FRMPD2: variants seen among roughly 807,000 people sequenced by gnomAD.
The protein encoded by FRMPD2 is FERM and PDZ domain-containing protein 2.
FRMPD2 carries 96 observed loss-of-function variants against 140.1 expected under a neutral mutation model. The ratio of observed to expected loss-of-function variants is 0.69; its 90% CI spans 0.58 to 0.81. The LOEUF (loss-of-function observed/expected upper bound fraction) is 0.81, where lower values mean the gene tolerates loss of function less well. Among genes scored for constraint, FRMPD2 ranks in the 40% least tolerant of loss-of-function variants. The probability of loss-of-function intolerance (pLI) is 0.00; values close to 1 mark genes in which losing one functional copy is unlikely to be tolerated. For synonymous variants in FRMPD2, 449 were observed against 547.6 expected (o/e 0.82, Z 2.52); for missense variants, 1,240 against 1,447.4 (o/e 0.86, Z 2.32).
intron 1 of FRMPD2, among the ~76,000 whole-genome samples, chr10:48,259,417 A>C (rs1428515109): frequency 2.0e-5 from 3 of 152,264 alleles, no homozygotes; most frequent in Non-Finnish European, 4.4e-5. Flanking sequence ...AATTAAAGCT[A>C]TATGGGTTTA....
At chr10:48,190,270 G>C (rs989790383) in intron 16 of FRMPD2, among the ~76,000 whole-genome samples, 1 of 152,138 alleles carries the variant, frequency 6.6e-6, no homozygotes, top group Non-Finnish European at 1.5e-5. Flanking sequence ...TTCTGCTCTA[G>C]AGATTCTTGT....
rs190283942 is a variant in FRMPD2, at chr10:48,219,578, G to A, written c.1455+2735C>T. 2.0e-5 allele frequency among the ~76,000 whole-genome samples: 3 copies of A among 152,256 alleles called. No individual in the cohort carries two copies. In the East Asian group the frequency reaches 5.8e-4, roughly 29 times the overall value. On this transcript the variant is annotated intron_variant, in intron 12 of 28. Coordinates refer to ENST00000374201, the MANE Select transcript of FRMPD2 (RefSeq NM_001018071.4). Reference sequence around the variant, plus strand: ...TCCAGAACATGGGCAAGAGATGAGGGAAGTGCTTCATAAACCCCAACAGCA... The same window carrying A: ...TCCAGAACATGGGCAAGAGATGAGGAAAGTGCTTCATAAACCCCAACAGCA...
intron 14 of FRMPD2, among the ~76,000 whole-genome samples, chr10:48,204,296 G>GT (rs944142573): frequency 1.1e-3 from 169 of 151,272 alleles, no homozygotes; most frequent in African/African-American, 3.2e-3. Context: ...CACATGACAC[G>GT]TTTTTTTTTA....
intron 2 of FRMPD2, among the ~76,000 whole-genome samples, chr10:48,249,660 C>T (rs2131964600): frequency 6.6e-6 from 1 of 152,318 alleles, no homozygotes; most frequent in African/African-American, 2.4e-5. Flanking sequence ...ATGTTTCACT[C>T]CAGGAGCCTC....
At chr10:48,211,206 G>T (rs17011003) in intron 13 of FRMPD2, among the ~76,000 whole-genome samples, 2,982 of 152,342 alleles carry the variant, frequency 0.02, 84 homozygotes, top group African/African-American at 0.061. Context: ...AGGGGAGATT[G>T]TGGAGTAGCA....
intron 1 of FRMPD2, among the ~76,000 whole-genome samples, chr10:48,264,778 A>G (rs1367904015): frequency 6.6e-6 from 1 of 152,188 alleles, no homozygotes; most frequent in South Asian, 2.1e-4. Context: ...GTGAATATCA[A>G]CAACTAATTC....
At chr10:48,226,763 T>A (rs1839731666) in intron 10 of FRMPD2, among the ~76,000 whole-genome samples, 1 of 152,258 alleles carries the variant, frequency 6.6e-6, no homozygotes, top group African/African-American at 2.4e-5. Flanking sequence ...CTGTTTTTTG[T>A]CCAACCCAGT....
intron 6 of FRMPD2, among the ~76,000 whole-genome samples, chr10:48,239,923 T>C (rs1199329464): frequency 6.6e-6 from 1 of 152,148 alleles, no homozygotes; most frequent in East Asian, 1.9e-4. Context: ...GTGCACTTTG[T>C]TTTAGAGACA....
intron 11 of FRMPD2, 85 bp from the exon 12 acceptor site, chr10:48,222,536 A>G: frequency 6.9e-7 from 1 of 1,441,066 alleles, no homozygotes. Flanking sequence ...CAGTGTGGGA[A>G]GTTGGAAAAG....
chr10:48,240,144 G>T (rs1240367054), intron 6 of FRMPD2, among the ~76,000 whole-genome samples: 1 of 152,176 alleles, frequency 6.6e-6, no homozygotes, highest in Admixed American at 6.5e-5. Flanking sequence ...GTTTTCATTT[G>T]ATATAAATAA....
At chr10:48,257,830 C>A (rs922088937) in intron 1 of FRMPD2, among the ~76,000 whole-genome samples, 1 of 152,170 alleles carries the variant, frequency 6.6e-6, no homozygotes, top group African/African-American at 2.4e-5. Context: ...GTGATGAGCA[C>A]ATCATATTTC....
intron 12 of FRMPD2, among the ~76,000 whole-genome samples, chr10:48,220,664 G>A (rs1489512825): frequency 6.6e-6 from 1 of 152,144 alleles, no homozygotes; most frequent in Non-Finnish European, 1.5e-5. Flanking sequence ...CCACAAAATA[G>A]GAGAAAATCT....
chr10:48,272,663 T>G (rs1224504093), intron 1 of FRMPD2, among the ~76,000 whole-genome samples: 1 of 152,194 alleles, frequency 6.6e-6, no homozygotes, highest in Non-Finnish European at 1.5e-5. Context: ...GGTTTGCTGT[T>G]TTTTCATTCC....
At chr10:48,215,407 T>A (rs114706985) in intron 12 of FRMPD2, among the ~76,000 whole-genome samples, 2,073 of 152,308 alleles carry the variant, frequency 0.014, 37 homozygotes, top group African/African-American at 0.046. Context: ...AGCAAAGCAA[T>A]GTGAAGTGAG....
At position 48,232,284 on chromosome 10, in the gene FRMPD2, T is replaced by C. The variant is rs1839870154; in HGVS notation, c.999A>G (p.Lys333=). The change falls in exon 10 of 29, where the codon AAA becomes AAG. Residue 333 remains lysine, a synonymous_variant. Coordinates refer to ENST00000374201, the MANE Select transcript of FRMPD2 (RefSeq NM_001018071.4). ...TGAGAGCCAAATAGGATTTCCCTTT[T>C]TTGGTCTGAAAACAACAACAGTATC... is the stretch of plus-strand genomic sequence containing the variant. ...TLHLPGSVVT[K]KGKSYLALRD... The C allele has an allele frequency of 1.2e-6, 2 of 1,609,250 alleles. No individual in the cohort carries two copies. The highest frequency in any genetic ancestry group is 1.7e-6 in the Non-Finnish European group (2 of 1,177,244).
At chr10:48,200,355 CA>C (rs1200179759) in intron 15 of FRMPD2, among the ~76,000 whole-genome samples, 1 of 152,084 alleles carries the variant, frequency 6.6e-6, no homozygotes, top group Non-Finnish European at 1.5e-5. Flanking sequence ...TCAGCTGTAT[CA>C]ACTAGTCAGA....
chr10:48,202,005 A>G (rs781526293), intron 14 of FRMPD2, among the ~76,000 whole-genome samples: 15 of 152,070 alleles, frequency 9.9e-5, no homozygotes, highest in Non-Finnish European at 1.6e-4. Flanking sequence ...ACGCTTCCCC[A>G]CATTATACCT....
At chr10:48,161,540 G>A (rs547269595) in intron 28 of FRMPD2, among the ~76,000 whole-genome samples, 1 of 151,956 alleles carries the variant, frequency 6.6e-6, no homozygotes, top group East Asian at 1.9e-4. Context: ...TTGAATTTAT[G>A]AGCCATGCTG....
chr10:48,250,406 T>C (rs1242086386), intron 2 of FRMPD2, among the ~76,000 whole-genome samples: 1 of 152,224 alleles, frequency 6.6e-6, no homozygotes, highest in African/African-American at 2.4e-5. Context: ...CTTTTTCTTT[T>C]TCTTTTTTTG....
Sources: allele counts gnomAD v4.1 joint callset (sites outside exome capture counted in the v4.1 genomes callset), GRCh38; gene constraint gnomAD v4.1.1; transcripts MANE v1.5; gene names NCBI Gene and HGNC (gene_info 2026-07-23, HGNC 2026-07-21).